Variants in RAD54B observed in about 807,000 individuals in gnomAD.
The protein encoded by RAD54B is RAD54 homolog B.
A neutral mutation model predicts 95.8 loss-of-function variants in RAD54B; 78 were observed. The ratio of observed to expected loss-of-function variants is 0.81; its 90% CI spans 0.68 to 0.98. RAD54B has a LOEUF of 0.98. Among genes scored for constraint, RAD54B ranks in the 50% least tolerant of loss-of-function variants. The pLI, the probability that RAD54B is intolerant of heterozygous loss-of-function variation, is 0.00. For missense variants in RAD54B, 957 were observed against 1,056.6 expected (o/e 0.91, Z 1.31); for synonymous variants, 328 against 354.9 (o/e 0.92, Z 0.85).
intron 14 of RAD54B, among the ~76,000 whole-genome samples, chr8:94,376,840 A>G (rs1252670727): frequency 6.6e-6 from 1 of 150,718 alleles, no homozygotes; most frequent in East Asian, 1.9e-4. Flanking sequence ...ACCTAAAGAG[A>G]AACATTTATA....
At chr8:94,406,561 A>C (rs1811394182) in intron 5 of RAD54B, among the ~76,000 whole-genome samples, 1 of 152,188 alleles carries the variant, frequency 6.6e-6, no homozygotes, top group Non-Finnish European at 1.5e-5. Flanking sequence ...ATTTGTATTT[A>C]GGTAAGTCGG....
chr8:94,458,083 TCA>T (rs1316297599), intron 3 of RAD54B, among the ~76,000 whole-genome samples, 183 bp downstream of exon 3: 5 of 152,208 alleles, frequency 3.3e-5, no homozygotes, highest in African/African-American at 7.2e-5. Context: ...AGCACTTTAA[TCA>T]CACAGTTATT....
At chr8:94,406,012 A>ACACACACC in intron 5 of RAD54B, among the ~76,000 whole-genome samples, 1 of 142,486 alleles carries the variant, frequency 7.0e-6, no homozygotes, top group Admixed American at 7.3e-5. Flanking sequence ...TTACACACAC[A>ACACACACC]CACACACACA....
At chr8:94,404,272 T>A (rs1367504112) in intron 5 of RAD54B, 33 bp from the exon 6 acceptor site, 2 of 1,502,554 alleles carry the variant, frequency 1.3e-6, no homozygotes, top group Non-Finnish European at 9.0e-7. Flanking sequence ...AGTATTGTAA[T>A]TTCACTTTTT....
At chr8:94,430,071 T>C (rs1812049711) in intron 3 of RAD54B, 1 of 957,700 alleles carries the variant, frequency 1.0e-6, no homozygotes. Context: ...CCCAGCACTT[T>C]GGGAGGCCGA....
intron 3 of RAD54B, among the ~76,000 whole-genome samples, chr8:94,414,085 C>T (rs575900053): frequency 6.6e-6 from 1 of 152,192 alleles, no homozygotes; most frequent in Non-Finnish European, 1.5e-5. Flanking sequence ...ATCCACCCAC[C>T]TAGGCCTCCC....
chr8:94,386,001 G>A (rs866638553), intron 11 of RAD54B, among the ~76,000 whole-genome samples: 2 of 152,132 alleles, frequency 1.3e-5, no homozygotes, highest in African/African-American at 4.8e-5. Flanking sequence ...GAAGACAAGT[G>A]GGAGTCTTCA....
At chr8:94,408,651 T>C (rs1291774386) in intron 4 of RAD54B, among the ~76,000 whole-genome samples, 3 of 152,176 alleles carry the variant, frequency 2.0e-5, no homozygotes, top group East Asian at 1.9e-4. Flanking sequence ...AAATTATTTA[T>C]GGTGGAATAC....
chr8:94,446,090 G>C (rs1033333158), intron 3 of RAD54B, among the ~76,000 whole-genome samples: 1 of 152,008 alleles, frequency 6.6e-6, no homozygotes, highest in African/African-American at 2.4e-5. Flanking sequence ...AGAAAACATA[G>C]CAAGTAGTGT....
chr8:94,471,868 A>C (rs930662359), intron 1 of RAD54B, among the ~76,000 whole-genome samples: 5 of 151,876 alleles, frequency 3.3e-5, no homozygotes, highest in Non-Finnish European at 7.4e-5. Flanking sequence ...AGTCCATATA[A>C]AAGAAATTTT....
chr8:94,406,980 T>C (rs191835646), intron 5 of RAD54B, among the ~76,000 whole-genome samples: 1 of 152,304 alleles, frequency 6.6e-6, no homozygotes, highest in Admixed American at 6.5e-5. Flanking sequence ...TGAATGGAAC[T>C]TTCACTAGTA....
intron 10 of RAD54B, among the ~76,000 whole-genome samples, chr8:94,390,181 TAAAAAATAAATATTTTTAA>T (rs1454931177): frequency 1.3e-5 from 2 of 151,342 alleles, no homozygotes; most frequent in African/African-American, 2.4e-5. Flanking sequence ...CTCTATTTTT[TAAAAAATAAATATTTTTAA>T]AAAAAATAAA....
chr8:94,427,253 T>G (rs1563652444), intron 3 of RAD54B, among the ~76,000 whole-genome samples: 1 of 152,054 alleles, frequency 6.6e-6, no homozygotes, highest in African/African-American at 2.4e-5. Context: ...TTATTTTTAT[T>G]TACTCATTTA....
At chr8:94,446,347 G>A (rs777372306) in intron 3 of RAD54B, among the ~76,000 whole-genome samples, 3 of 152,128 alleles carry the variant, frequency 2.0e-5, no homozygotes, top group Non-Finnish European at 4.4e-5. Context: ...CCAGTTCTCT[G>A]GCAAACAGAG....
intron 3 of RAD54B, among the ~76,000 whole-genome samples, chr8:94,434,902 ATATTG>A (rs1365863188): frequency 1.3e-5 from 2 of 151,428 alleles, no homozygotes; most frequent in Non-Finnish European, 3.0e-5. Context: ...TTGTGTGTGA[ATATTG>A]TAAATATTCA....
intron 3 of RAD54B, among the ~76,000 whole-genome samples, chr8:94,423,083 T>C (rs530578194): frequency 1.3e-5 from 2 of 152,078 alleles, no homozygotes; most frequent in Non-Finnish European, 2.9e-5. Flanking sequence ...TTTATTTTCA[T>C]TGACAAAGAC....
intron 11 of RAD54B, among the ~76,000 whole-genome samples, chr8:94,384,821 A>G (rs1810830729): frequency 6.6e-6 from 1 of 152,212 alleles, no homozygotes; most frequent in Non-Finnish European, 1.5e-5. Context: ...AGGACCCACA[A>G]GGAGTCAAAT....
rs1476174234 is a variant in RAD54B, at chr8:94,411,943, T to C, written c.305-628A>G. Among the ~76,000 whole-genome samples, 4 of 152,164 alleles carry C rather than the reference T, an allele frequency of 2.6e-5. No individual in the cohort carries two copies. In the South Asian group the frequency reaches 8.3e-4, roughly 31 times the overall value. ...TTCAAGTATACATTGTTATTAACTA[T>C]AGTCACCATGTTATACAATAGATTT... On this transcript the variant is annotated intron_variant, in intron 3 of 14. Transcript: ENST00000336148.
At chr8:94,451,038 C>T (rs920736862) in intron 3 of RAD54B, among the ~76,000 whole-genome samples, 2 of 151,974 alleles carry the variant, frequency 1.3e-5, no homozygotes, top group African/African-American at 4.8e-5. Flanking sequence ...TAGATGTAAT[C>T]ATATATAGAT....
Sources: gnomAD v4.1 joint callset for allele counts (sites outside exome capture counted in the v4.1 genomes callset) on GRCh38, gnomAD v4.1.1 for gene constraint, MANE v1.5 for transcripts, NCBI Gene and HGNC (gene_info 2026-07-23, HGNC 2026-07-21) for gene names.